The following KIAA1217 variants were observed in gnomAD, a reference collection of about 807,000 sequenced individuals.
The protein encoded by KIAA1217 is sickle tail protein homolog.
In KIAA1217, 88 loss-of-function variants were observed where a neutral mutation model predicts 163.9. The observed-to-expected ratio is 0.54, with a 90% CI of 0.45 to 0.64. KIAA1217 has a LOEUF of 0.64. Ranked by LOEUF, KIAA1217 falls within the 30% of genes least tolerant of loss-of-function variation. The pLI is 0.00. For missense variants in KIAA1217, 2,372 were observed against 2,475.0 expected (o/e 0.96, Z 0.88); for synonymous variants, 903 against 923.1 (o/e 0.98, Z 0.39).
intron 1 of KIAA1217, among the ~76,000 whole-genome samples, chr10:23,785,778 G>A (rs1164153861): frequency 6.6e-6 from 1 of 152,066 alleles, no homozygotes; most frequent in Non-Finnish European, 1.5e-5. Context: ...AGAAATATAT[G>A]TAGTAATTTG....
intron 1 of KIAA1217, among the ~76,000 whole-genome samples, chr10:23,828,999 C>T (rs1028243695): frequency 2.0e-5 from 3 of 152,010 alleles, no homozygotes; most frequent in East Asian, 1.9e-4. Flanking sequence ...AAGATATTAC[C>T]CTCTTACTTC....
At position 23,903,586 on chromosome 10, in the gene KIAA1217, G is replaced by T. The variant is rs186255946; in HGVS notation, c.-320-103639G>T. Among the ~76,000 whole-genome samples, 5 of 152,222 alleles carry T rather than the reference G, an allele frequency of 3.3e-5. No individual in the cohort carries two copies. In the South Asian group the frequency reaches 8.3e-4, roughly 25 times the overall value. ...TGAGGGAGCTTAGCAAGGCCTGTTTGTTCAGATTTTCCTGAGTGTATCTGT... is the reference window on the plus strand; with the variant it reads ...TGAGGGAGCTTAGCAAGGCCTGTTTTTTCAGATTTTCCTGAGTGTATCTGT... On this transcript the variant is annotated intron_variant, in intron 1 of 18. Transcript: ENST00000376462.
chr10:24,298,528 T>A (rs750016977), intron 2 of KIAA1217, among the ~76,000 whole-genome samples: 12 of 152,156 alleles, frequency 7.9e-5, no homozygotes, highest in Non-Finnish European at 1.3e-4. Context: ...CCGGGCGCAG[T>A]GGCTCACGTC....
intron 2 of KIAA1217, among the ~76,000 whole-genome samples, chr10:24,149,889 G>GT (rs1049936524): frequency 1.3e-5 from 2 of 151,900 alleles, no homozygotes; most frequent in East Asian, 1.9e-4. Context: ...TATATAGCAA[G>GT]TTTTTTTAAA....
chr10:24,244,651 G>A (rs888368407), intron 2 of KIAA1217, among the ~76,000 whole-genome samples: 4 of 140,830 alleles, frequency 2.8e-5, no homozygotes, highest in Admixed American at 7.7e-5. Context: ...TGCAACCTCC[G>A]CCTCCCGGAT....
At chr10:24,420,608 C>A (rs1370899423) in intron 3 of KIAA1217, among the ~76,000 whole-genome samples, 1 of 152,136 alleles carries the variant, frequency 6.6e-6, no homozygotes, top group East Asian at 1.9e-4. Context: ...GGAGACAACA[C>A]CATGTGGTGT....
intron 2 of KIAA1217, among the ~76,000 whole-genome samples, chr10:24,146,688 GA>G (rs573867211): frequency 6.8e-5 from 10 of 146,128 alleles, no homozygotes; most frequent in South Asian, 6.6e-4. Context: ...GTCTCAAAAA[GA>G]AAAAAAAAAG....
chr10:24,466,215 G>A (rs1033909402), intron 5 of KIAA1217, among the ~76,000 whole-genome samples: 1 of 151,780 alleles, frequency 6.6e-6, no homozygotes, highest in Admixed American at 6.6e-5. Flanking sequence ...ACAGAAAACT[G>A]ATCTGAAAGT....
intron 2 of KIAA1217, among the ~76,000 whole-genome samples, chr10:24,279,678 A>C (rs2077693559): frequency 6.6e-6 from 1 of 152,220 alleles, no homozygotes; most frequent in Non-Finnish European, 1.5e-5. Flanking sequence ...TCTGGGATTT[A>C]TATGGAAACT....
At chr10:23,927,553 C>G (rs575965003) in intron 1 of KIAA1217, among the ~76,000 whole-genome samples, 15 of 152,080 alleles carry the variant, frequency 9.9e-5, no homozygotes, top group Admixed American at 7.2e-4. Context: ...GTGAGATGCT[C>G]ATATGTGATT....
chr10:23,752,883 T>C (rs1839816808), intron 1 of KIAA1217, among the ~76,000 whole-genome samples: 1 of 152,208 alleles, frequency 6.6e-6, no homozygotes, highest in Non-Finnish European at 1.5e-5. Context: ...CTACACATAC[T>C]ACAATTTATC....
chr10:23,873,688 T>TGTTTCTCTCTCTCTC lies in KIAA1217; in HGVS notation c.-320-133537_-320-133536insGTTTCTCTCTCTCTC, dbSNP rs768505298. Among the ~76,000 whole-genome samples the TGTTTCTCTCTCTCTC allele has an allele frequency of 9.2e-5, 12 of 130,412 alleles. 1 individual carries two copies. The highest frequency in any genetic ancestry group is 8.2e-4 in the Admixed American group (11 of 13,412). The allele number at this position is 130,412 out of a possible 152,430, so 85.6% of individuals were successfully genotyped here. On this transcript the variant is annotated intron_variant, in intron 1 of 18. Transcript: ENST00000376462. ...CTTTCTGGCCCTACAAGTTGTCTGT[T>TGTTTCTCTCTCTCTC]TCTCTCTCTCTCTCTCTCTCTTTCC...
At chr10:23,957,671 G>A (rs549099474) in intron 1 of KIAA1217, among the ~76,000 whole-genome samples, 4 of 152,212 alleles carry the variant, frequency 2.6e-5, no homozygotes, top group African/African-American at 4.8e-5. Context: ...GCAGTGAGCC[G>A]AGATCGGGCC....
At chr10:24,204,277 T>C (rs2067426621), upstream of KIAA1217, among the ~76,000 whole-genome samples, 9 of 152,148 alleles carry the variant, frequency 5.9e-5, no homozygotes. Context: ...AAGGGAAGAT[T>C]GGTTACCCTC....
intron 2 of KIAA1217, among the ~76,000 whole-genome samples, chr10:24,171,074 A>G (rs1044294713): frequency 5.3e-5 from 8 of 152,248 alleles, no homozygotes; most frequent in Non-Finnish European, 8.8e-5. Flanking sequence ...TTAGATTGGT[A>G]GCATCAATCT....
chr10:24,233,832 G>A (rs1590103934), intron 2 of KIAA1217, among the ~76,000 whole-genome samples: 1 of 152,070 alleles, frequency 6.6e-6, no homozygotes, highest in African/African-American at 2.4e-5. Context: ...ATTTTTTAAG[G>A]TTGTTCACTT....
chr10:24,491,581 C>T (rs934807842), intron 6 of KIAA1217, among the ~76,000 whole-genome samples: 1 of 152,212 alleles, frequency 6.6e-6, no homozygotes, highest in East Asian at 1.9e-4. Context: ...TGAGCCACTG[C>T]GCCCAGCCTG....
At chr10:23,941,981 CT>C (rs1843792585) in intron 1 of KIAA1217, among the ~76,000 whole-genome samples, 1 of 145,730 alleles carries the variant, frequency 6.9e-6, no homozygotes, top group South Asian at 2.2e-4. Context: ...ATTCAACTGC[CT>C]GCTAGAACAA....
intron 1 of KIAA1217, among the ~76,000 whole-genome samples, chr10:23,771,252 C>G (rs1217338311): frequency 2.0e-5 from 3 of 152,162 alleles, no homozygotes; most frequent in African/African-American, 4.8e-5. Context: ...ATATTAGAAC[C>G]TACTTGTTTT....
Sources: allele counts gnomAD v4.1 joint callset (sites outside exome capture counted in the v4.1 genomes callset), GRCh38; gene constraint gnomAD v4.1.1; transcripts MANE v1.5; gene names NCBI Gene and HGNC (gene_info 2026-07-23, HGNC 2026-07-21).